LINGO2: variants seen among roughly 807,000 people sequenced by gnomAD.
LINGO2 encodes leucine-rich repeat and immunoglobulin-like domain-containing nogo receptor-interacting protein 2.
LINGO2 carries 14 observed loss-of-function variants against 30.6 expected under a neutral mutation model. The observed-to-expected ratio is 0.46, with a 90% CI of 0.30 to 0.72. The LOEUF (loss-of-function observed/expected upper bound fraction) is 0.72. Among genes scored for constraint, LINGO2 ranks in the 30% least tolerant of loss-of-function variants. The pLI, the probability that LINGO2 is intolerant of heterozygous loss-of-function variation, is 0.07. For synonymous variants in LINGO2, 317 were observed against 288.5 expected, an observed-to-expected ratio of 1.10 and a Z score of -1.00; for missense variants, 729 against 751.7, an observed-to-expected ratio of 0.97 and a Z score of 0.35.
At chr9:28,859,397 T>C in the LINGO2 span, among the ~76,000 whole-genome samples, 1 of 152,062 alleles carries the variant, frequency 6.6e-6, no homozygotes, top group Non-Finnish European at 1.5e-5. Flanking sequence ...GCAGCTAATA[T>C]CTTCAGAATC....
At chr9:28,108,830 A>C (rs1023927427) in intron 4 of LINGO2, among the ~76,000 whole-genome samples, 1 of 152,134 alleles carries the variant, frequency 6.6e-6, no homozygotes, top group African/African-American at 2.4e-5. Flanking sequence ...TTTGTAGATG[A>C]GGAAACTCAG....
intron 4 of LINGO2, among the ~76,000 whole-genome samples, chr9:28,213,558 T>TC (rs1354713077): frequency 6.6e-6 from 1 of 151,440 alleles, no homozygotes; most frequent in African/African-American, 2.4e-5. Flanking sequence ...TTTTCCTGGA[T>TC]CCTTTTTTTT....
Position 28,130,977 on chromosome 9 carries a change from A to G in LINGO2, c.-86-118572T>C, listed in dbSNP as rs1827363046. On this transcript the variant is annotated intron_variant, in intron 4 of 5. Coordinates refer to ENST00000379992, the Ensembl canonical transcript of LINGO2. The surrounding 1 kb of genome is among the most constrained non-coding windows in gnomAD (Gnocchi z 5.2). ...AAAACTTTGGATTTCCCAACAATGT[A>G]TACGCCTTCCCATCTCTGCCTTTAC... Among the ~76,000 whole-genome samples the G allele has an allele frequency of 6.6e-6, 1 of 152,072 alleles. No individual in the cohort carries two copies. Among genetic ancestry groups the G allele is most frequent in the Non-Finnish European group, 1.5e-5 (1 of 67,982 alleles).
intron 1 of LINGO2, among the ~76,000 whole-genome samples, chr9:28,521,262 T>A (rs1004636334): frequency 3.3e-5 from 5 of 152,176 alleles, no homozygotes; most frequent in Non-Finnish European, 5.9e-5. Context: ...AGTAGAAACA[T>A]CGTCTCTGAA....
At chr9:28,879,548 G>T in the LINGO2 span, among the ~76,000 whole-genome samples, 1 of 152,124 alleles carries the variant, frequency 6.6e-6, no homozygotes, top group African/African-American at 2.4e-5. Context: ...TGAAATTTGT[G>T]CCTTTTTTTC....
In LINGO2 at chr9:28,421,086, T is replaced by C. The variant is rs573159269; in HGVS notation, c.-278-48218A>G. Among the ~76,000 whole-genome samples the C allele has an allele frequency of 1.5e-4, 23 of 152,056 alleles. 1 individual carries two copies. In the East Asian group the frequency reaches 3.7e-3, roughly 24 times the overall value. On this transcript the variant is annotated intron_variant, in intron 2 of 5. Coordinates refer to ENST00000379992, the Ensembl canonical transcript of LINGO2. The stretch of plus-strand genomic sequence containing the variant: ...TTTCCTTTTGCCCAAATTGTCATGA[T>C]CATTATACAGTAGAACAAAGAAACA...
the LINGO2 span, among the ~76,000 whole-genome samples, chr9:28,759,506 C>A: frequency 4.0e-5 from 6 of 151,654 alleles, 1 homozygote; most frequent in African/African-American, 1.2e-4. Flanking sequence ...CATGGTGAAA[C>A]CCCATCTCTA....
intron 4 of LINGO2, among the ~76,000 whole-genome samples, chr9:28,043,476 C>T (rs913104421): frequency 6.6e-6 from 1 of 152,252 alleles, no homozygotes. Flanking sequence ...GGTTGAGAGA[C>T]TGGAAACAAA....
At chr9:28,064,366 GA>G (rs1825247280) in intron 4 of LINGO2, among the ~76,000 whole-genome samples, 1 of 152,118 alleles carries the variant, frequency 6.6e-6, no homozygotes, top group Non-Finnish European at 1.5e-5. Context: ...TGGATTTCCA[GA>G]GTCACTGGCA....
chr9:29,195,060 C>T, the LINGO2 span, among the ~76,000 whole-genome samples: 3 of 148,754 alleles, frequency 2.0e-5, no homozygotes, highest in East Asian at 2.0e-4. Context: ...TTGTCAAGCA[C>T]TAATCTTTTT....
At chr9:29,011,943 G>C in the LINGO2 span, among the ~76,000 whole-genome samples, 1 of 151,988 alleles carries the variant, frequency 6.6e-6, no homozygotes, top group Non-Finnish European at 1.5e-5. Flanking sequence ...AAATCCGTGG[G>C]GAAAAGGACA....
chr9:29,067,790 A>G, the LINGO2 span, among the ~76,000 whole-genome samples: 2 of 150,524 alleles, frequency 1.3e-5, no homozygotes, highest in Non-Finnish European at 3.0e-5. Context: ...GCTAATGAGC[A>G]TATTTTTAAG....
chr9:28,109,140 A>T (rs1826691196), intron 4 of LINGO2, among the ~76,000 whole-genome samples: 1 of 152,242 alleles, frequency 6.6e-6, no homozygotes, highest in Non-Finnish European at 1.5e-5. Flanking sequence ...ACCAATGACA[A>T]AAACCACATG....
chr9:28,090,459 A>G (rs1191595000), intron 4 of LINGO2, among the ~76,000 whole-genome samples: 1 of 152,204 alleles, frequency 6.6e-6, no homozygotes, highest in Admixed American at 6.5e-5. Context: ...CCAAAGACAA[A>G]AAACCACATG....
At chr9:28,698,474 G>C in the LINGO2 span, among the ~76,000 whole-genome samples, 1 of 151,968 alleles carries the variant, frequency 6.6e-6, no homozygotes, top group African/African-American at 2.4e-5. Flanking sequence ...CAGGTCCCTT[G>C]GAGTTGTGTT....
chr9:28,579,485 C>T (rs572624382), intron 1 of LINGO2, among the ~76,000 whole-genome samples: 105 of 151,992 alleles, frequency 6.9e-4, no homozygotes, highest in African/African-American at 2.4e-3. Flanking sequence ...TAATAAAAAA[C>T]ATATAAAAGT....
chr9:28,774,392 G>A, the LINGO2 span, among the ~76,000 whole-genome samples: 11 of 151,994 alleles, frequency 7.2e-5, no homozygotes, highest in Non-Finnish European at 1.5e-4. Flanking sequence ...TTGCCAAAAC[G>A]TATCCAACAA....
chr9:28,303,819 TG>T (rs894904291), intron 3 of LINGO2, among the ~76,000 whole-genome samples: 31 of 152,008 alleles, frequency 2.0e-4, no homozygotes, highest in African/African-American at 7.5e-4. Flanking sequence ...TTGCTGTCTC[TG>T]GGGTGGCAGA....
intron 4 of LINGO2, among the ~76,000 whole-genome samples, chr9:28,163,922 A>G (rs1828356974): frequency 6.6e-6 from 1 of 152,218 alleles, no homozygotes; most frequent in South Asian, 2.1e-4. Context: ...GAATTAAAAT[A>G]TCTTTTGGCC....
Sources: gnomAD v4.1 joint callset for allele counts (sites outside exome capture counted in the v4.1 genomes callset) on GRCh38, gnomAD v4.1.1 for gene constraint, Gnocchi (gnomAD v3.1) non-coding constraint, MANE v1.5 for transcripts, NCBI Gene and HGNC (gene_info 2026-07-23, HGNC 2026-07-21) for gene names.